Variants in GPR65 observed in about 807,000 individuals in gnomAD.
The protein encoded by GPR65 is T-cell death-associated gene 8 protein.
Under a neutral mutation model 0.7 loss-of-function variants are expected in GPR65, and 2 were observed. That is an observed-to-expected ratio of 2.83 (90% confidence interval 1.16 to 8.92). GPR65 has a LOEUF of 8.92. Among genes scored for constraint, GPR65 ranks in the 30% most tolerant of loss-of-function variants. The pLI is 0.04. For synonymous variants in GPR65, 128 were observed against 146.5 expected (o/e 0.87, Z 0.91); for missense variants, 379 against 399.4 (o/e 0.95, Z 0.43).
Position 88,011,211 on chromosome 14 carries a change from T to C in GPR65, c.364T>C (p.Phe122Leu). The C allele has an allele frequency of 6.2e-7, 1 of 1,613,398 alleles. No homozygotes were observed. The change falls in exon 2 of 2, where the codon TTT becomes CTT. Residue 122 changes from phenylalanine (F) to leucine (L), a missense_variant. Physicochemically the swap from Phe to Leu is conservative, Grantham distance 22. Transcript: ENST00000267549. The part of the protein sequence containing the change: ...RYLAVVYPLK[F>L]FFLRTRRFAL... Reference sequence around the variant, plus strand: ...TTTGGCTGTTGTCTACCCTTTGAAGTTTTTTTTCCTAAGGACAAGAAGATT... The same window carrying C: ...TTTGGCTGTTGTCTACCCTTTGAAGCTTTTTTTCCTAAGGACAAGAAGATT...
chr14:88,011,212 T>A lies in GPR65; in HGVS notation c.365T>A (p.Phe122Tyr), dbSNP rs375417424. Residue 122 changes from phenylalanine (F) to tyrosine (Y), a missense_variant, in exon 2 of 2, where the codon TTT becomes TAT. By Grantham distance (22) the Phe-to-Tyr change is conservative. Coordinates refer to ENST00000267549, the MANE Select transcript of GPR65 (RefSeq NM_003608.4). ...TTGGCTGTTGTCTACCCTTTGAAGTTTTTTTTCCTAAGGACAAGAAGATTT... is the reference window on the plus strand; with the variant it reads ...TTGGCTGTTGTCTACCCTTTGAAGTATTTTTTCCTAAGGACAAGAAGATTT... ...RYLAVVYPLK[F>Y]FFLRTRRFAL... 2 of 1,613,912 alleles carry A rather than the reference T, an allele frequency of 1.2e-6. No individual in the cohort carries two copies. The highest frequency in any genetic ancestry group is 1.7e-6 in the Non-Finnish European group (2 of 1,179,966).
Position 88,012,986 on chromosome 14 carries a change from A to G in GPR65, c.*1125A>G, listed in dbSNP as rs1887710365. 1 of 152,142 alleles carries G rather than the reference A, an allele frequency of 6.6e-6. No homozygotes were observed. Among genetic ancestry groups the G allele is most frequent in the Non-Finnish European group, 1.5e-5 (1 of 68,026 alleles). The allele number at this position is 152,142 out of a possible 1,614,324, so 9.4% of individuals were successfully genotyped here. ...TTACCAGAAGTTTAATGCATAGACA[A>G]ATAAATAGTTCTATTATATCTTTCT... On this transcript the variant is annotated 3_prime_UTR_variant, in exon 2 of 2. Coordinates refer to ENST00000267549, the MANE Select transcript of GPR65 (RefSeq NM_003608.4).
rs1157801654 is a variant in GPR65, at chr14:88,012,834, A to C, written c.*973A>C. ...AGAAATGGTCTCATGAAGCCTCACG[A>C]AGTTTACATTAGTTCAAAAGCCTAG... On this transcript the variant is annotated 3_prime_UTR_variant, in exon 2 of 2. Transcript: ENST00000267549. 6.6e-6 allele frequency: 1 copy of C among 152,180 alleles called. No individual in the cohort carries two copies. The highest frequency in any genetic ancestry group is 6.5e-5 in the Admixed American group (1 of 15,268). 9.4% of individuals were successfully genotyped at this position (152,180 alleles called of 1,614,324 possible).
At position 88,012,120 on chromosome 14, in the gene GPR65, A is replaced by T; in HGVS notation, c.*259A>T. ...TATTGTTAATGCCAATTGTTTTTGTATCTGTGCTATAATCCCTTAGAGTCA... is the reference window on the plus strand; with the variant it reads ...TATTGTTAATGCCAATTGTTTTTGTTTCTGTGCTATAATCCCTTAGAGTCA... On this transcript the variant is annotated 3_prime_UTR_variant, in exon 2 of 2. Transcript: ENST00000267549. 3.4e-6 allele frequency: 1 copy of T among 298,348 alleles called. No homozygotes were observed. The highest frequency in any genetic ancestry group is 6.6e-6 in the Non-Finnish European group (1 of 151,188). 18.5% of individuals were successfully genotyped at this position (298,348 alleles called of 1,614,324 possible). A position where few individuals can be genotyped will look rare whatever the true frequency, so the allele number is the denominator to read the frequency against.
At chr14:88,008,067 C>G (rs1302328059) in intron 1 of GPR65, among the ~76,000 whole-genome samples, 1 of 152,058 alleles carries the variant, frequency 6.6e-6, no homozygotes, top group Non-Finnish European at 1.5e-5. Flanking sequence ...CTTAAAAAGG[C>G]ATATATGTTC....
intron 1 of GPR65, among the ~76,000 whole-genome samples, 151 bp downstream of exon 1, chr14:88,005,373 C>A (rs1274740096): frequency 6.6e-6 from 1 of 152,156 alleles, no homozygotes; most frequent in Non-Finnish European, 1.5e-5. Flanking sequence ...ATGAGGAAGA[C>A]ACATGGTTTC....
rs923063762 is a variant in GPR65, at chr14:88,010,760, T to G, written c.-88T>G. Reference sequence around the variant, plus strand: ...AAAAAGAATTCTCAGTAAAAGCGAATTCGATGTTCAAAACAAACTACAAAG... The same window carrying G: ...AAAAAGAATTCTCAGTAAAAGCGAAGTCGATGTTCAAAACAAACTACAAAG... On this transcript the variant is annotated 5_prime_UTR_variant, in exon 2 of 2. Coordinates refer to ENST00000267549, the MANE Select transcript of GPR65 (RefSeq NM_003608.4). 1.2e-6 allele frequency: 1 copy of G among 856,728 alleles called. No individual in the cohort carries two copies. The highest frequency in any genetic ancestry group is 1.9e-6 in the Non-Finnish European group (1 of 537,140). 53.1% of individuals were successfully genotyped at this position (856,728 alleles called of 1,614,324 possible).
In GPR65 at chr14:88,011,085, T is replaced by C; in HGVS notation, c.238T>C (p.Trp80Arg). The C allele has an allele frequency of 6.2e-7, 1 of 1,613,878 alleles. No individual in the cohort carries two copies. Among genetic ancestry groups the C allele is most frequent in the South Asian group, 1.1e-5 (1 of 91,078 alleles). ...WIDYTWNKDN[W>R]TFSPALCKGS... ...TGATTATACCTGGAATAAAGACAAC[T>C]GGACTTTCTCTCCTGCCTTGTGCAA... The change falls in exon 2 of 2, where the codon TGG becomes CGG. Residue 80 changes from tryptophan (W) to arginine (R), a missense_variant. Trp to Arg is a moderately radical substitution (Grantham distance 101). Transcript: ENST00000267549.
rs1178823589 is a variant in GPR65, at chr14:88,011,570, C to T, written c.723C>T (p.Pro241=). The change falls in exon 2 of 2, where the codon CCC becomes CCT. Residue 241 remains proline (P), a synonymous_variant. Coordinates refer to ENST00000267549, the MANE Select transcript of GPR65 (RefSeq NM_003608.4). ...ITVTFVLCFT[P]FHVMLLIRCI... is the part of the protein sequence containing the mutation. ...TTACTTTTGTCTTATGCTTTACTCC[C>T]TTTCATGTGATGTTGCTGATTCGCT... 6.2e-7 allele frequency: 1 copy of T among 1,613,996 alleles called. No homozygotes were observed. The highest frequency in any genetic ancestry group is 1.7e-5 in the Admixed American group (1 of 59,986).
chr14:88,007,508 A>T (rs1474265993), intron 1 of GPR65, among the ~76,000 whole-genome samples: 2 of 151,550 alleles, frequency 1.3e-5, no homozygotes, highest in Non-Finnish European at 2.9e-5. Context: ...GGATCTAATC[A>T]GTTGGTTACT....
intron 1 of GPR65, among the ~76,000 whole-genome samples, chr14:88,007,563 T>C (rs984642767): frequency 1.3e-5 from 2 of 151,042 alleles, no homozygotes; most frequent in Non-Finnish European, 3.0e-5. Context: ...TTTTTATTTT[T>C]AGAAAGTCTT....
At chr14:88,008,032 T>G (rs898914204) in intron 1 of GPR65, among the ~76,000 whole-genome samples, 1 of 152,172 alleles carries the variant, frequency 6.6e-6, no homozygotes, top group Non-Finnish European at 1.5e-5. Flanking sequence ...ATTTTATGTA[T>G]GAGGATAGAA....
At position 88,011,697 on chromosome 14, in the gene GPR65, G is replaced by A. The variant is rs775258124; in HGVS notation, c.850G>A (p.Val284Ile). 5.6e-6 allele frequency: 9 copies of A among 1,613,828 alleles called. No individual in the cohort carries two copies. Among genetic ancestry groups the A allele is most frequent in the Non-Finnish European group, 7.6e-6 (9 of 1,179,782 alleles). The change falls in exon 2 of 2, where the codon GTT (valine) becomes ATT (isoleucine). Residue 284 changes from valine (V) to isoleucine (I), a missense_variant. Coordinates refer to ENST00000267549, the MANE Select transcript of GPR65 (RefSeq NM_003608.4). ...GGTTGCATTAACAAGTTTAAATTGT[G>A]TTGCTGATCCAATTCTGTACTGTTT... ...ITVALTSLNC[V>I]ADPILYCFVT...
chr14:88,007,998 T>C (rs1887620715), intron 1 of GPR65, among the ~76,000 whole-genome samples: 1 of 152,182 alleles, frequency 6.6e-6, no homozygotes, highest in Non-Finnish European at 1.5e-5. Context: ...GTAAATTATT[T>C]ATTTATTGTT....
chr14:88,007,489 T>G (rs891482365), intron 1 of GPR65, among the ~76,000 whole-genome samples: 6 of 151,770 alleles, frequency 4.0e-5, no homozygotes, highest in Non-Finnish European at 8.8e-5. Context: ...ACAAATTTTC[T>G]CTTCAGCTGG....
In GPR65 at chr14:88,014,126, G is replaced by A. The variant is rs1225697352; in HGVS notation, c.*2265G>A. On this transcript the variant is annotated 3_prime_UTR_variant, in exon 2 of 2. Coordinates refer to ENST00000267549, the MANE Select transcript of GPR65 (RefSeq NM_003608.4). ...CATTTCTCTTCTCTCTGGAAAGCTC[G>A]GCAATCATCAGGTCATTTCATTTGG... 1.3e-5 allele frequency: 2 copies of A among 152,130 alleles called. No homozygotes were observed. Among genetic ancestry groups the A allele is most frequent in the Non-Finnish European group, 2.9e-5 (2 of 68,014 alleles). 9.4% of individuals were successfully genotyped at this position (152,130 alleles called of 1,614,324 possible).
Position 88,014,518 on chromosome 14 carries a change from GT to G in GPR65, c.*2658del, listed in dbSNP as rs1887736048. ...TTAAATCTGTTCCCTGCAAAGAACA[GT>G]AATACAATCATGTTCTAATTTACTA... On this transcript the variant is annotated 3_prime_UTR_variant, in exon 2 of 2. Transcript: ENST00000267549. 6.6e-6 allele frequency: 1 copy of G among 152,168 alleles called. No homozygotes were observed. Among genetic ancestry groups the G allele is most frequent in the South Asian group, 2.1e-4 (1 of 4,836 alleles). 9.4% of individuals were successfully genotyped at this position (152,168 alleles called of 1,614,324 possible).
chr14:88,008,909 G>A (rs1887635082), intron 1 of GPR65, among the ~76,000 whole-genome samples: 1 of 152,110 alleles, frequency 6.6e-6, no homozygotes, highest in South Asian at 2.1e-4. Flanking sequence ...TAATAATGTA[G>A]ACCCAGACCT....
At chr14:88,006,904 G>C (rs1433485007) in intron 1 of GPR65, among the ~76,000 whole-genome samples, 1 of 152,090 alleles carries the variant, frequency 6.6e-6, no homozygotes, top group Admixed American at 6.6e-5. Flanking sequence ...TGGGGATTTT[G>C]GATGTAAATG....
Sources: gnomAD v4.1 joint callset for allele counts (sites outside exome capture counted in the v4.1 genomes callset) on GRCh38, gnomAD v4.1.1 for gene constraint, MANE v1.5 for transcripts, NCBI Gene and HGNC (gene_info 2026-07-23, HGNC 2026-07-21) for gene names.